PRKCA: variants seen among roughly 807,000 people sequenced by gnomAD.
PRKCA encodes the protein protein kinase C alpha, also known as protein kinase C alpha type.
In PRKCA, 27 loss-of-function variants were observed where a neutral mutation model predicts 87.0. The observed-to-expected ratio is 0.31, with a 90% CI of 0.23 to 0.43. The LOEUF (loss-of-function observed/expected upper bound fraction) is 0.43, where lower values mean the gene tolerates loss of function less well. PRKCA is among the 20% of genes least tolerant of loss of function. PRKCA has a pLI of 1.00. For synonymous variants in PRKCA, 329 were observed against 311.1 expected (o/e 1.06, Z -0.61); for missense variants, 518 against 852.3 (o/e 0.61, Z 4.88).
rs1291480057 is a variant in PRKCA at position 66,807,104 on chromosome 17, G to A, written c.*3067G>A. 1 of 152,320 alleles carries A rather than the reference G, an allele frequency of 6.6e-6. No homozygotes were observed. The highest frequency in any genetic ancestry group is 2.4e-5 in the African/African-American group (1 of 41,472). 9.4% of individuals were successfully genotyped at this position (152,320 alleles called of 1,614,324 possible). A position where few individuals can be genotyped will look rare whatever the true frequency, so the allele number is the denominator to read the frequency against. On this transcript the variant is annotated 3_prime_UTR_variant, in exon 17 of 17. Coordinates refer to ENST00000413366, the MANE Select transcript of PRKCA (RefSeq NM_002737.3). The surrounding 1 kb of genome is among the most constrained non-coding windows in gnomAD (Gnocchi z 4.3). Reference sequence around the variant, plus strand: ...ATTGTGTGAAATGAGATGGTGGCGAGGGGTGCGCTGTGGAACTGCCGCAGC... The same window carrying A: ...ATTGTGTGAAATGAGATGGTGGCGAAGGGTGCGCTGTGGAACTGCCGCAGC...
At chr17:66,522,284 C>T (rs931629998) in intron 3 of PRKCA, among the ~76,000 whole-genome samples, 4 of 152,228 alleles carry the variant, frequency 2.6e-5, no homozygotes, top group Non-Finnish European at 5.9e-5. Flanking sequence ...ATGAGAACAC[C>T]AGTGTTTTAT....
At chr17:66,605,950 G>C (rs1288970177) in intron 3 of PRKCA, among the ~76,000 whole-genome samples, 1 of 152,188 alleles carries the variant, frequency 6.6e-6, no homozygotes, top group African/African-American at 2.4e-5. Flanking sequence ...GGGGATTGAG[G>C]AGGAACTGCT....
chr17:66,590,556 A>C (rs1453594540), intron 3 of PRKCA, among the ~76,000 whole-genome samples: 1 of 152,176 alleles, frequency 6.6e-6, no homozygotes, highest in African/African-American at 2.4e-5. Flanking sequence ...AAGATGTTAA[A>C]GAGGATGCTG....
At position 66,736,118 on chromosome 17, in the gene PRKCA, AC is replaced by A. The variant is rs1974019654; in HGVS notation, c.1230+457del. ...GCTGGTCTTAAACTCCTGAGCTCAAACGATCCCCCTACGTTGGCCTCCTAAA... is the reference window on the plus strand; with the variant it reads ...GCTGGTCTTAAACTCCTGAGCTCAAAGATCCCCCTACGTTGGCCTCCTAAA... On this transcript the variant is annotated intron_variant, in intron 10 of 16. Transcript: ENST00000413366. Among the ~76,000 whole-genome samples the A allele has an allele frequency of 2.7e-5, 4 of 150,404 alleles. No individual in the cohort carries two copies. The South Asian group carries it at 8.4e-4, about 32-fold the overall frequency.
In PRKCA at chr17:66,324,257, T is replaced by C. The variant is rs545934513; in HGVS notation, c.205+18130T>C. On this transcript the variant is annotated intron_variant, in intron 2 of 16. Coordinates refer to ENST00000413366, the MANE Select transcript of PRKCA (RefSeq NM_002737.3). The stretch of plus-strand genomic sequence containing the variant: ...TTTACTCTTATCAGGGAGTTTAAAA[T>C]ATAACTAGATAAATATGACTTAGAT... Among the ~76,000 whole-genome samples the C allele has an allele frequency of 2.0e-5, 3 of 152,162 alleles. No homozygotes were observed. In the South Asian group the frequency reaches 6.2e-4, roughly 32 times the overall value.
At chr17:66,542,774 A>G (rs1968025889) in intron 3 of PRKCA, among the ~76,000 whole-genome samples, 1 of 152,206 alleles carries the variant, frequency 6.6e-6, no homozygotes, top group African/African-American at 2.4e-5. Flanking sequence ...GCTATTAATG[A>G]GAAAGTACAG....
chr17:66,721,252 C>G (rs1321982248), intron 8 of PRKCA, among the ~76,000 whole-genome samples: 1 of 151,868 alleles, frequency 6.6e-6, no homozygotes, highest in Non-Finnish European at 1.5e-5. Context: ...AAAAAATTAG[C>G]CAGGCATGGT....
intron 3 of PRKCA, among the ~76,000 whole-genome samples, chr17:66,514,268 G>GTA (rs1260749087): frequency 1.2e-4 from 18 of 152,130 alleles, no homozygotes; most frequent in Non-Finnish European, 2.5e-4. Context: ...AAGGGCGACT[G>GTA]TACTTGTACC....
chr17:66,628,235 T>C (rs1970912085), intron 3 of PRKCA, among the ~76,000 whole-genome samples: 1 of 152,080 alleles, frequency 6.6e-6, no homozygotes, highest in Admixed American at 6.6e-5. Context: ...GATTTCCACT[T>C]CTGGCTTTTA....
chr17:66,621,128 A>T (rs1331550343), intron 3 of PRKCA, among the ~76,000 whole-genome samples: 3 of 152,222 alleles, frequency 2.0e-5, no homozygotes, highest in Admixed American at 1.3e-4. Flanking sequence ...GTTCATCAAG[A>T]TGAGAGGCTC....
rs553277079 is a variant in PRKCA at position 66,808,213 on chromosome 17, G to A, written c.*4176G>A. ...GAATTATGGCAGCTGAGGATGAATG[G>A]AGAAGTAAAAACAACTAACACCGCA... On this transcript the variant is annotated 3_prime_UTR_variant, in exon 17 of 17. Transcript: ENST00000413366. 2.0e-5 allele frequency: 3 copies of A among 152,178 alleles called. No individual in the cohort carries two copies. Among genetic ancestry groups the A allele is most frequent in the Admixed American group, 2.0e-4 (3 of 15,286 alleles). The allele number at this position is 152,178 out of a possible 1,614,324, so 9.4% of individuals were successfully genotyped here.
intron 3 of PRKCA, among the ~76,000 whole-genome samples, chr17:66,575,901 G>A (rs530508613): frequency 1.3e-5 from 2 of 152,088 alleles, no homozygotes; most frequent in Non-Finnish European, 2.9e-5. Context: ...GGATCATGAG[G>A]TCAGGAGTTT....
intron 2 of PRKCA, among the ~76,000 whole-genome samples, chr17:66,366,429 C>T (rs377504018): frequency 6.6e-6 from 1 of 152,150 alleles, no homozygotes; most frequent in East Asian, 1.9e-4. Context: ...AAGTAAATTG[C>T]CTTTGTGGTC....
At chr17:66,418,908 C>T (rs150253147) in intron 2 of PRKCA, among the ~76,000 whole-genome samples, 1,905 of 150,254 alleles carry the variant, frequency 0.013, 15 homozygotes, top group Non-Finnish European at 0.022. Context: ...CCCACCATCA[C>T]GCCCGGCTAA....
At chr17:66,577,075 G>A (rs533650014) in intron 3 of PRKCA, among the ~76,000 whole-genome samples, 22 of 152,168 alleles carry the variant, frequency 1.4e-4, no homozygotes, top group African/African-American at 5.1e-4. Flanking sequence ...TGGCCATGTT[G>A]CCCAGGCTGG....
intron 16 of PRKCA, among the ~76,000 whole-genome samples, chr17:66,799,418 G>A (rs796717313): frequency 1.1e-4 from 1 of 8,944 alleles, no homozygotes; most frequent in Non-Finnish European, 2.8e-4. Context: ...GGTGGTGGTG[G>A]TGGTGATGGT....
At chr17:66,631,520 G>A (rs1971010425) in intron 3 of PRKCA, among the ~76,000 whole-genome samples, 1 of 152,122 alleles carries the variant, frequency 6.6e-6, no homozygotes, top group East Asian at 1.9e-4. Flanking sequence ...CTGGGCTTAA[G>A]CAATCCTCCT....
intron 15 of PRKCA, among the ~76,000 whole-genome samples, chr17:66,788,414 C>T (rs770285824): frequency 5.9e-5 from 9 of 152,170 alleles, no homozygotes; most frequent in East Asian, 1.9e-4. Flanking sequence ...CCAGACAATA[C>T]GTAGACATAT....
At chr17:66,765,696 A>G (rs1974798460) in intron 13 of PRKCA, among the ~76,000 whole-genome samples, 1 of 151,472 alleles carries the variant, frequency 6.6e-6, no homozygotes, top group Non-Finnish European at 1.5e-5. Context: ...GCCAGTGGCC[A>G]CTGTATTGGA....
Sources: gnomAD v4.1 joint callset for allele counts (sites outside exome capture counted in the v4.1 genomes callset) on GRCh38, gnomAD v4.1.1 for gene constraint, Gnocchi (gnomAD v3.1) non-coding constraint, MANE v1.5 for transcripts, NCBI Gene and HGNC (gene_info 2026-07-23, HGNC 2026-07-21) for gene names.